Variants in HYAL4 observed in about 807,000 individuals in gnomAD.
HYAL4 encodes hyaluronidase-4.
HYAL4 carries 37 observed loss-of-function variants against 35.2 expected under a neutral mutation model. That is an observed-to-expected ratio of 1.05 (90% CI 0.81 to 1.38). HYAL4 has a LOEUF of 1.38. Among genes scored for constraint, HYAL4 ranks in the 40% most tolerant of loss-of-function variants. The pLI is 0.00. For missense variants in HYAL4, 572 were observed against 572.4 expected (o/e 1.00, Z 0.01); for synonymous variants, 198 against 203.2 (o/e 0.97, Z 0.22).
the HYAL4 span, among the ~76,000 whole-genome samples, chr7:123,796,057 T>C: frequency 2.0e-5 from 3 of 152,364 alleles, no homozygotes; most frequent in South Asian, 6.2e-4. Context: ...AATCCAATTG[T>C]TTGCAAACTA....
chr7:123,838,976 T>C (rs181386329), intron 1 of HYAL4, among the ~76,000 whole-genome samples: 1 of 148,714 alleles, frequency 6.7e-6, no homozygotes, highest in South Asian at 2.1e-4. Context: ...TCTTGAAGTT[T>C]CAATAGTTTT....
chr7:123,868,754 G>T lies in HYAL4; in HGVS notation c.481G>T (p.Asp161Tyr). ...PQWARNWNSK[D>Y]VYRQKSRKLI... ...GTGGGCCCGGAACTGGAACTCAAAA[G>T]ATGTTTACAGACAGAAGTCAAGAAA... Residue 161 changes from aspartate (D) to tyrosine (Y), a missense_variant, in exon 3 of 5, where the codon GAT (aspartate) becomes TAT (tyrosine). Coordinates refer to ENST00000223026, the MANE Select transcript of HYAL4 (RefSeq NM_012269.3). The T allele has an allele frequency of 6.2e-7, 1 of 1,614,118 alleles. No individual in the cohort carries two copies. The highest frequency in any genetic ancestry group is 8.5e-7 in the Non-Finnish European group (1 of 1,180,012).
chr7:123,790,400 C>A, the HYAL4 span, among the ~76,000 whole-genome samples: 88 of 152,182 alleles, frequency 5.8e-4, 1 homozygote, highest in South Asian at 0.018. Context: ...AGAAGTGGCA[C>A]AGCTGATGTT....
At chr7:123,840,981 C>A (rs1806047741), upstream of HYAL4, among the ~76,000 whole-genome samples, 3 of 151,960 alleles carry the variant, frequency 2.0e-5, no homozygotes, top group Admixed American at 1.3e-4. Flanking sequence ...TCCTTTATTT[C>A]TTTCTCTTTC....
chr7:123,785,974 AAAAC>A, the HYAL4 span, among the ~76,000 whole-genome samples: 1 of 151,766 alleles, frequency 6.6e-6, no homozygotes, highest in African/African-American at 2.4e-5. This position sits in a 1 kb window ranked among gnomAD's most constrained non-coding sequence, Gnocchi z 4.5. Context: ...AAAACAAAAC[AAAAC>A]AAACAACTAC....
the HYAL4 span, among the ~76,000 whole-genome samples, chr7:123,806,744 G>A: frequency 1.3e-5 from 2 of 151,748 alleles, no homozygotes; most frequent in African/African-American, 2.4e-5. Context: ...GAGCCACCAC[G>A]CCCGGCCCTT....
chr7:123,841,025 T>C (rs1297606697), upstream of HYAL4, among the ~76,000 whole-genome samples: 1 of 152,042 alleles, frequency 6.6e-6, no homozygotes, highest in Non-Finnish European at 1.5e-5. Context: ...CAACACTATG[T>C]TGAATAGGAG....
chr7:123,857,653 GTTTCTTTCTTTGTTTGTTTC>G (rs1328220322), intron 2 of HYAL4, among the ~76,000 whole-genome samples: 4 of 146,964 alleles, frequency 2.7e-5, no homozygotes, highest in African/African-American at 1.0e-4. Flanking sequence ...GCCTTTCTTT[GTTTCTTTCTTTGTTTGTTTC>G]TTTCTTTCTT....
chr7:123,797,775 C>A, the HYAL4 span, among the ~76,000 whole-genome samples: 1 of 152,042 alleles, frequency 6.6e-6, no homozygotes, highest in Admixed American at 6.5e-5. Context: ...TTTAACTCGC[C>A]TGGAATTCAT....
the HYAL4 span, among the ~76,000 whole-genome samples, chr7:123,821,291 C>A: frequency 6.6e-6 from 1 of 152,142 alleles, no homozygotes; most frequent in Non-Finnish European, 1.5e-5. Context: ...TATGGGGGTT[C>A]CCATTTCTCT....
At chr7:123,805,479 G>A in the HYAL4 span, among the ~76,000 whole-genome samples, 6 of 152,084 alleles carry the variant, frequency 3.9e-5, no homozygotes, top group Admixed American at 2.6e-4. Context: ...TGAAAAGTGG[G>A]AAGTGGAAAG....
the HYAL4 span, among the ~76,000 whole-genome samples, chr7:123,791,535 C>T: frequency 2.0e-5 from 3 of 152,144 alleles, no homozygotes; most frequent in Admixed American, 1.3e-4. Flanking sequence ...CTGGAATTTA[C>T]AAAAACCCTG....
chr7:123,785,172 G>A, the HYAL4 span, among the ~76,000 whole-genome samples: 2,120 of 152,254 alleles, frequency 0.014, 24 homozygotes, highest in Non-Finnish European at 0.023. The surrounding 1 kb of genome is among the most constrained non-coding windows in gnomAD (Gnocchi z 4.5). Context: ...TGCAGCCTCT[G>A]CATCCTGTGT....
At chr7:123,780,733 T>A in the HYAL4 span, among the ~76,000 whole-genome samples, 1 of 151,436 alleles carries the variant, frequency 6.6e-6, no homozygotes, top group African/African-American at 2.4e-5. Flanking sequence ...AGAAAAATTC[T>A]TCTGCCTTGA....
the HYAL4 span, among the ~76,000 whole-genome samples, chr7:123,817,480 C>A: frequency 2.7e-5 from 4 of 149,878 alleles, no homozygotes; most frequent in African/African-American, 9.8e-5. Context: ...CCTGTACTAT[C>A]TTGACCTTCC....
upstream of HYAL4, among the ~76,000 whole-genome samples, chr7:123,843,846 C>G (rs1378779039): frequency 6.6e-6 from 1 of 151,910 alleles, no homozygotes; most frequent in Non-Finnish European, 1.5e-5. Context: ...TCAGCTCCAT[C>G]AGGTCATTTA....
At position 123,836,344 on chromosome 7, in the gene HYAL4, CTT is replaced by C. The variant is rs1409486669; in HGVS notation, c.-257+7225_-257+7226del. ...ATTACTACATCATGTCCTTCTTTGTCTTTTTTAACTGCTGTTGCTTTAAAGTT... is the reference window on the plus strand; with the variant it reads ...ATTACTACATCATGTCCTTCTTTGTCTTTTAACTGCTGTTGCTTTAAAGTT... On this transcript the variant is annotated intron_variant, in intron 1 of 4. Coordinates refer to the HYAL4 transcript ENST00000489978. 1.5e-4 allele frequency among the ~76,000 whole-genome samples: 23 copies of C among 152,192 alleles called. No individual in the cohort carries two copies. In the South Asian group the frequency reaches 4.6e-3, roughly 30 times the overall value.
chr7:123,792,834 G>C, the HYAL4 span, among the ~76,000 whole-genome samples: 2 of 152,130 alleles, frequency 1.3e-5, no homozygotes, highest in Non-Finnish European at 2.9e-5. Context: ...GATGCTCAGG[G>C]GGAAGGGAGT....
At chr7:123,798,512 G>T in the HYAL4 span, among the ~76,000 whole-genome samples, 4 of 152,084 alleles carry the variant, frequency 2.6e-5, no homozygotes, top group Admixed American at 6.5e-5. Context: ...CTCTAAAAAT[G>T]GATAATCATA....
Sources: gnomAD v4.1 joint callset for allele counts (sites outside exome capture counted in the v4.1 genomes callset) on GRCh38, gnomAD v4.1.1 for gene constraint, Gnocchi (gnomAD v3.1) non-coding constraint, MANE v1.5 for transcripts, NCBI Gene and HGNC (gene_info 2026-07-23, HGNC 2026-07-21) for gene names.